Variants in EBF3 observed in about 807,000 individuals in gnomAD.
The protein encoded by EBF3 is transcription factor COE3.
A neutral mutation model predicts 77.1 loss-of-function variants in EBF3; 18 were observed. The observed-to-expected ratio is 0.23, with a 90% CI of 0.16 to 0.35. The LOEUF is 0.35. Ranked by LOEUF, EBF3 falls within the 10% of genes least tolerant of loss-of-function variation. The pLI is 1.00. For synonymous variants in EBF3, 350 were observed against 343.5 expected (o/e 1.02, Z -0.21); for missense variants, 558 against 860.0 (o/e 0.65, Z 4.39).
At chr10:129,875,481 CCA>C (rs1852710540) in intron 7 of EBF3, among the ~76,000 whole-genome samples, 1 of 152,150 alleles carries the variant, frequency 6.6e-6, no homozygotes, top group South Asian at 2.1e-4. Flanking sequence ...CCGGCGTGAG[CCA>C]CCGCGCCCGG....
intron 6 of EBF3, 39 bp from the exon 7 acceptor site, chr10:129,877,888 T>C (rs770249741): frequency 1.3e-6 from 2 of 1,543,128 alleles, no homozygotes. Context: ...ATTAGGGTTA[T>C]CAGACAAAAG....
intron 10 of EBF3, among the ~76,000 whole-genome samples, chr10:129,866,671 T>C (rs1020284458): frequency 2.4e-4 from 37 of 152,296 alleles, no homozygotes; most frequent in Middle Eastern, 3.4e-3. Flanking sequence ...GGGCCTTGCA[T>C]TTACCCGGGG....
intron 6 of EBF3, among the ~76,000 whole-genome samples, chr10:129,942,136 C>T (rs559786909): frequency 3.9e-5 from 6 of 152,336 alleles, no homozygotes; most frequent in South Asian, 2.1e-4. Context: ...CGGCTCCCTG[C>T]AGGTTCTTAG....
At chr10:129,933,627 G>C (rs573381260) in intron 6 of EBF3, among the ~76,000 whole-genome samples, 1 of 152,212 alleles carries the variant, frequency 6.6e-6, no homozygotes, top group Non-Finnish European at 1.5e-5. Context: ...GCGGGTGCCC[G>C]TGCAAGAGGC....
intron 6 of EBF3, among the ~76,000 whole-genome samples, chr10:129,950,428 C>G (rs1858588212): frequency 6.6e-6 from 1 of 152,114 alleles, no homozygotes; most frequent in African/African-American, 2.4e-5. Flanking sequence ...ATGAGTGATT[C>G]AAAAACAACT....
At position 129,935,959 on chromosome 10, in the gene EBF3, C is replaced by CG. The variant is rs546767225; in HGVS notation, c.554+21298dup. ...GGGCCCCTCCTCCACCATCATCCATCGGGGGGCTTCCTGAAGCTGCCCCCC... is the reference window on the plus strand; with the variant it reads ...GGGCCCCTCCTCCACCATCATCCATCGGGGGGGCTTCCTGAAGCTGCCCCCC... On this transcript the variant is annotated intron_variant, in intron 6 of 16. Coordinates refer to ENST00000440978, the MANE Select transcript of EBF3 (RefSeq NM_001375380.1). This position sits in a 1 kb window ranked among gnomAD's most constrained non-coding sequence, Gnocchi z 4.2. 1.6e-3 allele frequency among the ~76,000 whole-genome samples: 247 copies of CG among 151,470 alleles called. 2 individuals are homozygous for CG. Among genetic ancestry groups the CG allele is most frequent in the African/African-American group, 5.7e-3 (232 of 40,890 alleles).
rs1031831475 is a variant in EBF3 at position 129,935,338 on chromosome 10, C to A, written c.554+21920G>T. 5.9e-5 allele frequency among the ~76,000 whole-genome samples: 9 copies of A among 152,192 alleles called. No individual in the cohort carries two copies. Among genetic ancestry groups the A allele is most frequent in the Non-Finnish European group, 1.3e-4 (9 of 68,036 alleles). On this transcript the variant is annotated intron_variant, in intron 6 of 16. Coordinates refer to ENST00000440978, the MANE Select transcript of EBF3 (RefSeq NM_001375380.1). This position sits in a 1 kb window ranked among gnomAD's most constrained non-coding sequence, Gnocchi z 4.2. ...CTGGCGGCCTGGGACCAGGGTGGCC[C>A]TGCCTTCCCAGCTCTCCGGTGGGGA...
At chr10:129,878,636 TG>T (rs2134133456) in intron 6 of EBF3, among the ~76,000 whole-genome samples, 1 of 131,614 alleles carries the variant, frequency 7.6e-6, no homozygotes, top group East Asian at 2.2e-4. Flanking sequence ...CACTCCAGCC[TG>T]GTTGACAGCT....
chr10:129,840,941 AGTGCTGACT>A lies in EBF3; in HGVS notation c.1455_1463del (p.Val486_Thr488del). 1 of 1,613,622 alleles carries A rather than the reference AGTGCTGACT, an allele frequency of 6.2e-7. No homozygotes were observed. Among genetic ancestry groups the A allele is most frequent in the Non-Finnish European group, 8.5e-7 (1 of 1,179,900 alleles). Reference sequence around the variant, plus strand: ...CGCCACTTCCATATCCATTCATGCTAGTGCTGACTGTGTTGTAATTGGACTGCTGGGGAG... The same window carrying A: ...CGCCACTTCCATATCCATTCATGCTAGTGTTGTAATTGGACTGCTGGGGAG... On this transcript the variant is annotated inframe_deletion, in exon 14 of 17. Coordinates refer to ENST00000440978, the MANE Select transcript of EBF3 (RefSeq NM_001375380.1).
chr10:129,893,366 C>T (rs527872935), intron 6 of EBF3, among the ~76,000 whole-genome samples: 36 of 152,260 alleles, frequency 2.4e-4, no homozygotes, highest in African/African-American at 8.2e-4. Context: ...AATGTGCATA[C>T]ATTATCATAC....
intron 8 of EBF3, among the ~76,000 whole-genome samples, chr10:129,871,225 G>C (rs1032844767): frequency 6.6e-6 from 1 of 152,160 alleles, no homozygotes; most frequent in Non-Finnish European, 1.5e-5. Context: ...GGTTGGAGTC[G>C]TTTACGAGGG....
At chr10:129,927,870 G>A (rs890228083) in intron 6 of EBF3, among the ~76,000 whole-genome samples, 42 of 152,090 alleles carry the variant, frequency 2.8e-4, no homozygotes, top group Non-Finnish European at 4.7e-4. Context: ...GCTCAGTTAG[G>A]ACACAGGGAT....
intron 6 of EBF3, among the ~76,000 whole-genome samples, chr10:129,936,025 C>T (rs147845404): frequency 3.2e-4 from 48 of 152,308 alleles, no homozygotes; most frequent in African/African-American, 1.1e-3. Flanking sequence ...TGCGAGTCAA[C>T]GGCGGCAGGT....
In EBF3 at chr10:129,870,945, T is replaced by A. The variant is rs532502770; in HGVS notation, c.781+2507A>T. Among the ~76,000 whole-genome samples the A allele has an allele frequency of 6.6e-6, 1 of 152,208 alleles. No homozygotes were observed. Among genetic ancestry groups the A allele is most frequent in the Non-Finnish European group, 1.5e-5 (1 of 68,032 alleles). ...TATTGAGGCACTCAAACAGGCCTAA[T>A]CTTGCCTCATGAAGACTTCTTTGTT... is the stretch of plus-strand genomic sequence containing the variant. On this transcript the variant is annotated intron_variant, in intron 8 of 16. Coordinates refer to ENST00000440978, the MANE Select transcript of EBF3 (RefSeq NM_001375380.1). This position sits in a 1 kb window ranked among gnomAD's most constrained non-coding sequence, Gnocchi z 4.4.
intron 6 of EBF3, among the ~76,000 whole-genome samples, chr10:129,901,891 G>C (rs1564872446): frequency 6.6e-6 from 1 of 152,230 alleles, no homozygotes; most frequent in Non-Finnish European, 1.5e-5. Flanking sequence ...TTCCCAACCT[G>C]TGTGGCCAGA....
intron 6 of EBF3, among the ~76,000 whole-genome samples, chr10:129,888,722 G>A (rs554916740): frequency 3.9e-5 from 6 of 152,208 alleles, no homozygotes; most frequent in Non-Finnish European, 7.3e-5. Context: ...TTAATAATTT[G>A]ATAAATAGGG....
At position 129,886,406 on chromosome 10, in the gene EBF3, G is replaced by A. The variant is rs148073534; in HGVS notation, c.555-8557C>T. On this transcript the variant is annotated intron_variant, in intron 6 of 16. Coordinates refer to ENST00000440978, the MANE Select transcript of EBF3 (RefSeq NM_001375380.1). ...AAAGCCTTAACTTCATTACTCCTGC[G>A]TGTCAACATATACAAGAGAAATGTG... Among the ~76,000 whole-genome samples, 475 of 152,312 alleles carry A rather than the reference G, an allele frequency of 3.1e-3. 2 individuals are homozygous for A. Among genetic ancestry groups the A allele is most frequent in the Non-Finnish European group, 5.0e-3 (339 of 68,032 alleles).
At position 129,944,261 on chromosome 10, in the gene EBF3, T is replaced by C. The variant is rs1242946438; in HGVS notation, c.554+12997A>G. 9.2e-5 allele frequency among the ~76,000 whole-genome samples: 14 copies of C among 152,198 alleles called. No individual in the cohort carries two copies. Among genetic ancestry groups the C allele is most frequent in the Admixed American group, 9.2e-4 (14 of 15,280 alleles). On this transcript the variant is annotated intron_variant, in intron 6 of 16. Transcript: ENST00000440978. This position sits in a 1 kb window ranked among gnomAD's most constrained non-coding sequence, Gnocchi z 5.1. The stretch of plus-strand genomic sequence containing the variant: ...TTTGCGGGTGGGGTCATTTCTCCTT[T>C]CAGATTGGTCAATGAGGGGAACACC...
chr10:129,928,872 G>A (rs530728720), intron 6 of EBF3, among the ~76,000 whole-genome samples: 14 of 152,302 alleles, frequency 9.2e-5, no homozygotes, highest in African/African-American at 2.4e-4. Context: ...CTGCTGACAC[G>A]GCCATGCCAG....
Sources: gnomAD v4.1 joint callset for allele counts (sites outside exome capture counted in the v4.1 genomes callset) on GRCh38, gnomAD v4.1.1 for gene constraint, Gnocchi (gnomAD v3.1) non-coding constraint, MANE v1.5 for transcripts, NCBI Gene and HGNC (gene_info 2026-07-23, HGNC 2026-07-21) for gene names.